Variants in MACROD1 observed in about 807,000 individuals in gnomAD.
MACROD1 encodes the protein ADP-ribose glycohydrolase MACROD1.
Under a neutral mutation model 41.4 loss-of-function variants are expected in MACROD1, and 31 were observed. That is an observed-to-expected ratio of 0.75 (90% confidence interval 0.56 to 1.01). MACROD1 has a LOEUF of 1.01. MACROD1 is among the 50% of genes least tolerant of loss of function. The pLI is 0.00. For missense variants in MACROD1, 473 were observed against 460.0 expected, an observed-to-expected ratio of 1.03 and a Z score of -0.26; for synonymous variants, 252 against 203.4, an observed-to-expected ratio of 1.24 and a Z score of -2.03.
chr11:64,151,165 C>T (rs1423958667), intron 3 of MACROD1, 74 bp downstream of exon 3: 3 of 1,325,612 alleles, frequency 2.3e-6, no homozygotes, highest in Non-Finnish European at 3.2e-6. Context: ...GGCGTCCACC[C>T]AGGCCTGGCA....
intron 1 of MACROD1, among the ~76,000 whole-genome samples, chr11:64,163,926 A>T (rs532399292): frequency 6.6e-6 from 1 of 152,096 alleles, no homozygotes; most frequent in African/African-American, 2.4e-5. Context: ...GGCCTGGCCC[A>T]CTGTCACTCA....
At chr11:64,088,331 G>A (rs1009551150) in intron 3 of MACROD1, among the ~76,000 whole-genome samples, 7 of 152,160 alleles carry the variant, frequency 4.6e-5, no homozygotes, top group Admixed American at 1.3e-4. Context: ...GGGCCAGGGA[G>A]GGGCAGCATA....
At chr11:64,003,768 C>G (rs748127804) in intron 4 of MACROD1, among the ~76,000 whole-genome samples, 1 of 152,224 alleles carries the variant, frequency 6.6e-6, no homozygotes, top group Non-Finnish European at 1.5e-5. Context: ...AGGGCCTCGC[C>G]CTGAACCACT....
chr11:64,005,561 G>A (rs935031175), intron 4 of MACROD1, among the ~76,000 whole-genome samples: 12 of 152,252 alleles, frequency 7.9e-5, no homozygotes, highest in African/African-American at 2.9e-4. Flanking sequence ...TGTCCAGCCT[G>A]CTGCCCTGTG....
intron 3 of MACROD1, among the ~76,000 whole-genome samples, chr11:64,093,792 T>A (rs1944530720): frequency 6.6e-6 from 1 of 152,218 alleles, no homozygotes; most frequent in South Asian, 2.1e-4. Context: ...TAGTCTGGCC[T>A]GGCCAGGGTG....
chr11:64,066,550 T>C (rs1218286647), intron 3 of MACROD1, among the ~76,000 whole-genome samples: 1 of 149,766 alleles, frequency 6.7e-6, no homozygotes, highest in Non-Finnish European at 1.5e-5. Flanking sequence ...GCCTGGGAGG[T>C]CAAGGCTACA....
chr11:64,014,218 G>A (rs1428037704), intron 4 of MACROD1, among the ~76,000 whole-genome samples: 1 of 152,188 alleles, frequency 6.6e-6, no homozygotes, highest in East Asian at 1.9e-4. Flanking sequence ...GGCTTCGGAA[G>A]AGGGTCCTAG....
chr11:64,118,031 G>A (rs1212087044), intron 3 of MACROD1: 1 of 1,613,670 alleles, frequency 6.2e-7, no homozygotes, highest in Admixed American at 1.7e-5. Context: ...CCCGGGAGAG[G>A]GCCTACAACC....
At position 64,001,578 on chromosome 11, in the gene MACROD1, C is replaced by T. The variant is rs1016868203; in HGVS notation, c.548-1235G>A. On this transcript the variant is annotated intron_variant, in intron 4 of 10. Coordinates refer to ENST00000255681, the MANE Select transcript of MACROD1 (RefSeq NM_014067.4). ...CTCGTGCCCTGGGGGCACAATTAAA[C>T]CTCATTCTGCAACTTTACTCAGAGC... 8 of 702,338 alleles carry T rather than the reference C, an allele frequency of 1.1e-5. No homozygotes were observed. The African/African-American group carries it at 1.4e-4, about 12-fold the overall frequency. The allele number at this position is 702,338 out of a possible 1,614,324, so 43.5% of individuals were successfully genotyped here. A position where few individuals can be genotyped will look rare whatever the true frequency, so the allele number is the denominator to read the frequency against.
intron 3 of MACROD1, among the ~76,000 whole-genome samples, chr11:64,132,434 G>T (rs1054119902): frequency 4.4e-5 from 6 of 137,044 alleles, no homozygotes; most frequent in Middle Eastern, 3.6e-3. Flanking sequence ...GTCACTGGGG[G>T]TGGGGCGGGG....
At chr11:64,041,276 C>T (rs1462244256) in intron 3 of MACROD1, among the ~76,000 whole-genome samples, 2 of 148,430 alleles carry the variant, frequency 1.3e-5, no homozygotes, top group African/African-American at 5.1e-5. Context: ...GAATGCCTTC[C>T]GTGAGGAGCC....
chr11:64,052,647 G>A (rs1245511378), intron 3 of MACROD1, among the ~76,000 whole-genome samples: 1 of 152,210 alleles, frequency 6.6e-6, no homozygotes, highest in Admixed American at 6.5e-5. Flanking sequence ...CACCTGGGAG[G>A]GCAACTGACC....
intron 3 of MACROD1, among the ~76,000 whole-genome samples, chr11:64,141,410 C>T (rs1438252812): frequency 1.3e-5 from 2 of 152,198 alleles, no homozygotes; most frequent in Non-Finnish European, 2.9e-5. Flanking sequence ...GGCACTGTGG[C>T]CACCACGTGC....
chr11:64,158,074 T>C (rs1945697038), intron 1 of MACROD1, among the ~76,000 whole-genome samples: 1 of 152,166 alleles, frequency 6.6e-6, no homozygotes, highest in African/African-American at 2.4e-5. Context: ...CAGGGGTACC[T>C]GGAAAATTTG....
intron 3 of MACROD1, among the ~76,000 whole-genome samples, chr11:64,084,155 C>T (rs971550355): frequency 3.3e-5 from 5 of 152,176 alleles, no homozygotes; most frequent in African/African-American, 7.2e-5. Flanking sequence ...GTGCATGGCA[C>T]GCGCGCCTTC....
At chr11:64,132,455 G>T (rs890646832) in intron 3 of MACROD1, among the ~76,000 whole-genome samples, 2 of 151,566 alleles carry the variant, frequency 1.3e-5, no homozygotes, top group African/African-American at 2.4e-5. Flanking sequence ...GGAGGGGAAA[G>T]GGATTGAAGT....
At chr11:64,015,582 C>A (rs767468905) in intron 3 of MACROD1, among the ~76,000 whole-genome samples, 15 of 152,120 alleles carry the variant, frequency 9.9e-5, no homozygotes, top group African/African-American at 3.4e-4. Flanking sequence ...GCCCCCGCCA[C>A]GGCCCTTTCA....
rs1285247769 is a variant in MACROD1, at chr11:64,036,373, C to T, written c.518-21092G>A. ...AAGAGCCAAGCACCAGTAGCGGTGG[C>T]GCTGGCCCCGCCGCGGGGAGGCGCG... On this transcript the variant is annotated intron_variant, in intron 3 of 10. Transcript: ENST00000255681. The surrounding 1 kb of genome is among the most constrained non-coding windows in gnomAD (Gnocchi z 5.6). Among the ~76,000 whole-genome samples, 2 of 152,134 alleles carry T rather than the reference C, an allele frequency of 1.3e-5. No individual in the cohort carries two copies. The highest frequency in any genetic ancestry group is 2.1e-4 in the South Asian group (1 of 4,834).
intron 3 of MACROD1, among the ~76,000 whole-genome samples, chr11:64,061,278 G>A (rs538602895): frequency 1.3e-5 from 2 of 152,218 alleles, no homozygotes; most frequent in African/African-American, 4.8e-5. Context: ...CAGGGCAGAT[G>A]GATGCTCCGC....
Sources: gnomAD v4.1 joint callset for allele counts (sites outside exome capture counted in the v4.1 genomes callset) on GRCh38, gnomAD v4.1.1 for gene constraint, Gnocchi (gnomAD v3.1) non-coding constraint, MANE v1.5 for transcripts, NCBI Gene and HGNC (gene_info 2026-07-23, HGNC 2026-07-21) for gene names.